Variants in DCC observed in about 807,000 individuals in gnomAD.
DCC encodes the protein DCC netrin 1 receptor.
DCC carries 58 observed loss-of-function variants against 172.5 expected under a neutral mutation model. The observed-to-expected ratio is 0.34, with a 90% CI of 0.27 to 0.42. The LOEUF (loss-of-function observed/expected upper bound fraction) is 0.42, where lower values mean the gene tolerates loss of function less well. Ranked by LOEUF, DCC falls within the 10% of genes least tolerant of loss-of-function variation. The pLI, the probability that DCC is intolerant of heterozygous loss-of-function variation, is 1.00. For missense variants in DCC, 1,740 were observed against 1,791.0 expected (o/e 0.97, Z 0.51); for synonymous variants, 709 against 644.5 (o/e 1.10, Z -1.52).
intron 1 of DCC, among the ~76,000 whole-genome samples, chr18:52,342,915 G>A (rs1246782577): frequency 6.6e-6 from 1 of 152,146 alleles, no homozygotes; most frequent in African/African-American, 2.4e-5. Context: ...GAGAGTCAGG[G>A]CCATGTATTA....
intron 1 of DCC, among the ~76,000 whole-genome samples, chr18:52,407,363 T>C (rs1403039762): frequency 6.6e-6 from 1 of 152,046 alleles, no homozygotes; most frequent in Non-Finnish European, 1.5e-5. Flanking sequence ...AATATAAACC[T>C]AATAAGAGAT....
At chr18:53,136,164 A>G (rs537705909) in intron 7 of DCC, among the ~76,000 whole-genome samples, 16 of 146,336 alleles carry the variant, frequency 1.1e-4, no homozygotes, top group African/African-American at 3.9e-4. Context: ...TATGTATTAT[A>G]TGGGTATATT....
At chr18:52,939,269 C>T (rs1187313780) in intron 5 of DCC, among the ~76,000 whole-genome samples, 2 of 152,184 alleles carry the variant, frequency 1.3e-5, no homozygotes, top group African/African-American at 2.4e-5. Flanking sequence ...GCTGACTCTT[C>T]GACTGGATCA....
At chr18:52,814,724 A>C (rs1864869611) in intron 2 of DCC, among the ~76,000 whole-genome samples, 1 of 152,248 alleles carries the variant, frequency 6.6e-6, no homozygotes, top group African/African-American at 2.4e-5. Flanking sequence ...ATAGAATATC[A>C]AAAAGCCTTT....
intron 7 of DCC, among the ~76,000 whole-genome samples, chr18:53,156,076 G>T (rs1452888887): frequency 6.6e-6 from 1 of 152,180 alleles, no homozygotes; most frequent in Non-Finnish European, 1.5e-5. Flanking sequence ...GGTCTCCATT[G>T]GTTTGACTTC....
intron 7 of DCC, among the ~76,000 whole-genome samples, chr18:53,126,562 T>C (rs908784118): frequency 1.3e-5 from 2 of 152,158 alleles, no homozygotes; most frequent in Admixed American, 6.6e-5. Context: ...TATTTTGGAA[T>C]AGCACAAACA....
rs554197060 is a variant in DCC at position 52,997,614 on chromosome 18, G to A, written c.986-65691G>A. Among the ~76,000 whole-genome samples the A allele has an allele frequency of 4.6e-5, 7 of 152,202 alleles. No individual in the cohort carries two copies. The South Asian group carries it at 1.2e-3, about 27-fold the overall frequency. ...ACGATTGTGGATTTGAATCTAAGAT[G>A]TGCATTGTGCAGTATGGTACTCCAG... On this transcript the variant is annotated intron_variant, in intron 5 of 28. Coordinates refer to ENST00000442544, the MANE Select transcript of DCC (RefSeq NM_005215.4).
intron 1 of DCC, among the ~76,000 whole-genome samples, chr18:52,664,502 G>A (rs2035426973): frequency 7.8e-6 from 1 of 128,338 alleles, no homozygotes; most frequent in East Asian, 2.3e-4. Flanking sequence ...TGAGACCGAG[G>A]CTCTGTCACC....
chr18:53,525,149 CA>C (rs2046440832), intron 27 of DCC, among the ~76,000 whole-genome samples: 1 of 152,004 alleles, frequency 6.6e-6, no homozygotes, highest in Non-Finnish European at 1.5e-5. Flanking sequence ...TCCTATTTTG[CA>C]GATGAAAAAC....
intron 5 of DCC, among the ~76,000 whole-genome samples, chr18:52,964,293 T>C (rs2040893031): frequency 6.6e-6 from 1 of 152,254 alleles, no homozygotes; most frequent in Middle Eastern, 3.4e-3. Context: ...AACATTATAG[T>C]TCAGAAAAAG....
chr18:53,178,547 A>G (rs149874947), intron 8 of DCC, among the ~76,000 whole-genome samples: 8 of 152,324 alleles, frequency 5.3e-5, no homozygotes, highest in Non-Finnish European at 1.2e-4. Flanking sequence ...CAATACTGAC[A>G]AAGACCGATT....
At chr18:53,400,397 A>G (rs772534593) in intron 18 of DCC, among the ~76,000 whole-genome samples, 4 of 152,174 alleles carry the variant, frequency 2.6e-5, no homozygotes, top group Non-Finnish European at 4.4e-5. Context: ...GGAATGAAGT[A>G]CATAAAATAA....
intron 1 of DCC, among the ~76,000 whole-genome samples, chr18:52,556,681 G>T (rs2032923381): frequency 2.0e-5 from 3 of 151,774 alleles, no homozygotes. Flanking sequence ...AATAGCACAT[G>T]CACCCCCAGG....
intron 12 of DCC, among the ~76,000 whole-genome samples, chr18:53,241,259 T>C (rs1160301917): frequency 6.6e-6 from 1 of 152,134 alleles, no homozygotes; most frequent in African/African-American, 2.4e-5. Context: ...TCTGATCTGC[T>C]TCAGGTCAGA....
intron 13 of DCC, among the ~76,000 whole-genome samples, chr18:53,320,319 G>A (rs532521255): frequency 7.9e-5 from 12 of 152,132 alleles, no homozygotes; most frequent in East Asian, 5.8e-4. Context: ...TGATCCGCCC[G>A]CCTCGGCCTC....
intron 1 of DCC, among the ~76,000 whole-genome samples, chr18:52,429,352 G>A (rs1987544667): frequency 6.6e-6 from 1 of 152,064 alleles, no homozygotes; most frequent in Admixed American, 6.6e-5. Context: ...ATGTGTGAGT[G>A]TCTTTCTGCT....
At chr18:53,368,696 C>T (rs2058030423) in intron 15 of DCC, among the ~76,000 whole-genome samples, 1 of 152,030 alleles carries the variant, frequency 6.6e-6, no homozygotes, top group African/African-American at 2.4e-5. Context: ...GTTGAAAAGA[C>T]TGTCCTTTCT....
At chr18:52,564,257 A>C (rs1253112176) in intron 1 of DCC, among the ~76,000 whole-genome samples, 1 of 152,124 alleles carries the variant, frequency 6.6e-6, no homozygotes, top group African/African-American at 2.4e-5. Flanking sequence ...ATTTACATAC[A>C]TGTGCATATT....
intron 1 of DCC, among the ~76,000 whole-genome samples, chr18:52,739,634 G>T (rs1899194247): frequency 6.6e-6 from 1 of 152,136 alleles, no homozygotes; most frequent in African/African-American, 2.4e-5. Flanking sequence ...TTTTGTAAAA[G>T]AGGAACCTGA....
Sources: allele counts gnomAD v4.1 joint callset (sites outside exome capture counted in the v4.1 genomes callset), GRCh38; gene constraint gnomAD v4.1.1; transcripts MANE v1.5; gene names NCBI Gene and HGNC (gene_info 2026-07-23, HGNC 2026-07-21).